Variants in ANP32B observed in about 807,000 individuals in gnomAD.
ANP32B encodes acidic leucine-rich nuclear phosphoprotein 32 family member B.
ANP32B carries 6 observed loss-of-function variants against 32.2 expected under a neutral mutation model. The observed-to-expected ratio is 0.19, with a 90% confidence interval of 0.10 to 0.37. The LOEUF (loss-of-function observed/expected upper bound fraction) is 0.37, where lower values mean the gene tolerates loss of function less well. Among genes scored for constraint, ANP32B ranks in the 10% least tolerant of loss-of-function variants. ANP32B has a pLI of 1.00. For synonymous variants in ANP32B, 98 were observed against 105.8 expected (o/e 0.93, Z 0.45); for missense variants, 204 against 289.2 (o/e 0.71, Z 2.14).
At chr9:97,995,572 G>A (rs1564137430) in intron 2 of ANP32B, among the ~76,000 whole-genome samples, 1 of 152,080 alleles carries the variant, frequency 6.6e-6, no homozygotes. Context: ...TTAGTTTTTT[G>A]GTATTGGGGT....
chr9:98,005,159 T>C lies in ANP32B; in HGVS notation c.517+6T>C, dbSNP rs376572396. ...TGAAGAGGAGGAGGACGAAGGTGAG[T>C]AGGCTCAGCATCTGGTGAACCTGAT... On this transcript the variant is annotated splice_donor_region_variant and intron_variant, in intron 4 of 6. Transcript: ENST00000339399. 86 of 1,611,588 alleles carry C rather than the reference T, an allele frequency of 5.3e-5. No homozygotes were observed. Among genetic ancestry groups the C allele is most frequent in the Admixed American group, 1.0e-4 (6 of 59,526 alleles).
At chr9:97,990,141 A>C (rs1218487031) in intron 1 of ANP32B, among the ~76,000 whole-genome samples, 4 of 152,154 alleles carry the variant, frequency 2.6e-5, no homozygotes, top group African/African-American at 9.7e-5. Context: ...GTTCTTCCCA[A>C]AAGGTTTTTC....
intron 4 of ANP32B, among the ~76,000 whole-genome samples, chr9:98,005,772 T>G (rs1030795397): frequency 3.9e-5 from 6 of 152,192 alleles, no homozygotes; most frequent in Non-Finnish European, 7.4e-5. Flanking sequence ...GCTGTGCGTT[T>G]AAACTGTAAA....
intron 2 of ANP32B, among the ~76,000 whole-genome samples, chr9:97,997,737 A>C (rs76247646): frequency 5.6e-4 from 85 of 152,366 alleles, no homozygotes; most frequent in Non-Finnish European, 1.1e-3. Flanking sequence ...AATCAGAACC[A>C]GCTGTGTAGC....
chr9:98,010,245 C>T (rs1828157963), intron 4 of ANP32B, among the ~76,000 whole-genome samples: 1 of 147,456 alleles, frequency 6.8e-6, no homozygotes, highest in Non-Finnish European at 1.5e-5. Context: ...CCCTCTTGGA[C>T]CTTACAGAGA....
chr9:97,986,242 A>G (rs922258355), intron 1 of ANP32B, among the ~76,000 whole-genome samples: 4 of 152,274 alleles, frequency 2.6e-5, no homozygotes, highest in African/African-American at 9.6e-5. Context: ...CTCAGACGTG[A>G]CAAGTGGCTC....
At chr9:97,984,071 C>T (rs1182249586) in intron 1 of ANP32B, among the ~76,000 whole-genome samples, 2 of 149,604 alleles carry the variant, frequency 1.3e-5, no homozygotes, top group African/African-American at 2.4e-5. Flanking sequence ...GGAAGGGGCG[C>T]GGGTGGGGCG....
At chr9:97,994,861 A>G in intron 2 of ANP32B, 81 bp downstream of exon 2, 1 of 1,391,072 alleles carries the variant, frequency 7.2e-7, no homozygotes, top group African/African-American at 1.5e-5. Flanking sequence ...GGAAGCACTT[A>G]GTGTAGCAGA....
intron 6 of ANP32B, among the ~76,000 whole-genome samples, chr9:98,013,337 G>T (rs1352779312): frequency 6.6e-6 from 1 of 152,136 alleles, no homozygotes; most frequent in African/African-American, 2.4e-5. Flanking sequence ...TGTTCCCCAT[G>T]TTTTAAATGT....
intron 3 of ANP32B, 55 bp downstream of exon 3, chr9:97,998,733 T>G (rs1827943446): frequency 3.4e-6 from 5 of 1,453,072 alleles, no homozygotes; most frequent in African/African-American, 1.4e-5. Flanking sequence ...CATTTTCATA[T>G]TTCTTTATAG....
chr9:98,005,768 C>T (rs1000622702), intron 4 of ANP32B, among the ~76,000 whole-genome samples: 1 of 152,136 alleles, frequency 6.6e-6, no homozygotes, highest in Admixed American at 6.6e-5. Flanking sequence ...GGATGCTGTG[C>T]GTTTAAACTG....
chr9:98,015,685 C>G lies in ANP32B; in HGVS notation c.*254C>G. 1.7e-6 allele frequency: 2 copies of G among 1,160,448 alleles called. No homozygotes were observed. Among genetic ancestry groups the G allele is most frequent in the South Asian group, 2.6e-5 (1 of 37,996 alleles). 71.9% of individuals were successfully genotyped at this position (1,160,448 alleles called of 1,614,324 possible). On this transcript the variant is annotated 3_prime_UTR_variant, in exon 7 of 7. Coordinates refer to ENST00000339399, the MANE Select transcript of ANP32B (RefSeq NM_006401.3). ...CGTTGTTAGGTTTTTGTGTAAGATTCTTGCTGTAGCGTGGATAGCTGTGAT... is the reference window on the plus strand; with the variant it reads ...CGTTGTTAGGTTTTTGTGTAAGATTGTTGCTGTAGCGTGGATAGCTGTGAT...
chr9:98,005,572 G>A (rs923728973), intron 4 of ANP32B, among the ~76,000 whole-genome samples: 2 of 151,930 alleles, frequency 1.3e-5, no homozygotes. Flanking sequence ...GTGTGTGTTT[G>A]TGTGCGTGCG....
chr9:98,009,801 AATT>A (rs1564141313), intron 4 of ANP32B, among the ~76,000 whole-genome samples: 1 of 152,234 alleles, frequency 6.6e-6, no homozygotes, highest in Non-Finnish European at 1.5e-5. Flanking sequence ...ATATGACAGA[AATT>A]ATCAAGAAAA....
intron 4 of ANP32B, among the ~76,000 whole-genome samples, chr9:98,010,041 CTATT>C (rs1183672752): frequency 6.6e-6 from 1 of 152,008 alleles, no homozygotes; most frequent in African/African-American, 2.4e-5. Flanking sequence ...TGCTTGTTGT[CTATT>C]TAAGTTCACC....
intron 1 of ANP32B, among the ~76,000 whole-genome samples, chr9:97,985,072 C>G (rs1270858405): frequency 6.7e-6 from 1 of 150,194 alleles, no homozygotes; most frequent in South Asian, 2.1e-4. Flanking sequence ...GCGAGCCCCC[C>G]CCCCGCCGCG....
At chr9:98,003,407 T>G (rs1828027026) in intron 3 of ANP32B, among the ~76,000 whole-genome samples, 2 of 152,196 alleles carry the variant, frequency 1.3e-5, no homozygotes, top group South Asian at 4.1e-4. Flanking sequence ...GTAGCCTGTT[T>G]ATATAGTCTC....
At chr9:97,996,784 A>G (rs917615899) in intron 2 of ANP32B, among the ~76,000 whole-genome samples, 1 of 151,396 alleles carries the variant, frequency 6.6e-6, no homozygotes, top group African/African-American at 2.4e-5. Context: ...TTTTTTGTAG[A>G]GATGGGGGTT....
At position 98,012,399 on chromosome 9, in the gene ANP32B, T is replaced by TA. The variant is rs948712302; in HGVS notation, c.637-21dup. On this transcript the variant is annotated intron_variant, in intron 5 of 6. Transcript: ENST00000339399. ...CAATTTGGCAGAATTAATTTAATGT[T>TA]ATGCTGTTTGCTATTCTTTAGGAAG... 1.9e-6 allele frequency: 3 copies of TA among 1,608,798 alleles called. No homozygotes were observed. In the African/African-American group the frequency reaches 4.0e-5, roughly 22 times the overall value.
Sources: gnomAD v4.1 joint callset for allele counts (sites outside exome capture counted in the v4.1 genomes callset) on GRCh38, gnomAD v4.1.1 for gene constraint, MANE v1.5 for transcripts, NCBI Gene and HGNC (gene_info 2026-07-23, HGNC 2026-07-21) for gene names.